CWC27: variants seen among roughly 807,000 people sequenced by gnomAD.
CWC27 encodes CWC27 spliceosome associated cyclophilin.
A neutral mutation model predicts 63.6 loss-of-function variants in CWC27; 47 were observed. The observed-to-expected ratio is 0.74, with a 90% CI of 0.58 to 0.94. The LOEUF (loss-of-function observed/expected upper bound fraction) is 0.94. CWC27 is among the 40% of genes least tolerant of loss of function. The pLI, the probability that CWC27 is intolerant of heterozygous loss-of-function variation, is 0.00. For synonymous variants in CWC27, 175 were observed against 179.8 expected (o/e 0.97, Z 0.22); for missense variants, 495 against 554.3 (o/e 0.89, Z 1.07).
chr5:65,017,918 A>C (rs889333021), intron 13 of CWC27, among the ~76,000 whole-genome samples: 5 of 152,226 alleles, frequency 3.3e-5, no homozygotes, highest in Non-Finnish European at 7.3e-5. Context: ...TCAAGTGAAG[A>C]CTGAGGCAAA....
At chr5:64,791,593 G>A (rs1412238321) in intron 7 of CWC27, among the ~76,000 whole-genome samples, 3 of 151,940 alleles carry the variant, frequency 2.0e-5, no homozygotes, top group African/African-American at 7.3e-5. Context: ...CTAGTATTGT[G>A]TCATCATAGT....
chr5:64,916,885 T>TTAGTATTAGTAGTAGTAGTAGTAG (rs777253798), intron 11 of CWC27, among the ~76,000 whole-genome samples: 3 of 144,020 alleles, frequency 2.1e-5, no homozygotes, highest in African/African-American at 7.9e-5. Context: ...AGTAGTAGTA[T>TTAGTATTAGTAGTAGTAGTAGTAG]TAGTAGTAGT....
intron 1 of CWC27, among the ~76,000 whole-genome samples, chr5:64,769,506 CTT>C (rs2112130007): frequency 6.6e-6 from 1 of 152,152 alleles, no homozygotes; most frequent in Non-Finnish European, 1.5e-5. Context: ...ATATTCTTTG[CTT>C]AACTAAGGTC....
chr5:64,773,522 G>A (rs1450390528), intron 1 of CWC27, among the ~76,000 whole-genome samples: 4 of 122,294 alleles, frequency 3.3e-5, no homozygotes, highest in African/African-American at 6.3e-5. Flanking sequence ...ATGTGACTTA[G>A]CATTGATGAT....
chr5:64,828,346 C>T (rs963051961), intron 10 of CWC27, among the ~76,000 whole-genome samples: 1 of 152,078 alleles, frequency 6.6e-6, no homozygotes, highest in Non-Finnish European at 1.5e-5. Flanking sequence ...GTTGAAAGAA[C>T]CATATTAACT....
intron 13 of CWC27, among the ~76,000 whole-genome samples, chr5:65,008,041 T>C (rs1749883304): frequency 6.6e-6 from 1 of 152,236 alleles, no homozygotes; most frequent in South Asian, 2.1e-4. Context: ...GGTCACATAG[T>C]ATATTTGTAT....
At chr5:64,915,741 C>T (rs573852437) in intron 11 of CWC27, among the ~76,000 whole-genome samples, 1 of 152,246 alleles carries the variant, frequency 6.6e-6, no homozygotes, top group Non-Finnish European at 1.5e-5. Flanking sequence ...TTCATAAATG[C>T]TTACTATATG....
intron 11 of CWC27, among the ~76,000 whole-genome samples, chr5:64,921,432 T>C (rs548719298): frequency 3.9e-5 from 6 of 152,274 alleles, no homozygotes; most frequent in African/African-American, 1.4e-4. Context: ...GAGTGTTCTG[T>C]AGATCTCTAT....
Position 64,785,528 on chromosome 5 carries a change from C to T in CWC27, c.444C>T (p.Asp148=), listed in dbSNP as rs1330027566. 4 of 1,574,696 alleles carry T rather than the reference C, an allele frequency of 2.5e-6. No individual in the cohort carries two copies. The highest frequency in any genetic ancestry group is 3.4e-4 in the Middle Eastern group (2 of 5,884). ...VYNMLRLSEV[D]IDDDERPHNP... is the part of the protein sequence containing the mutation. ...ACATGTTGCGACTGTCAGAAGTAGA[C>T]ATTGATGATGACGAAAGACCACATA... Residue 148 remains aspartate (D), a synonymous_variant, in exon 5 of 14, where the codon GAC becomes GAT. Coordinates refer to ENST00000381070, the MANE Select transcript of CWC27 (RefSeq NM_005869.4).
At chr5:64,906,048 A>G (rs1747631106) in intron 11 of CWC27, among the ~76,000 whole-genome samples, 1 of 152,046 alleles carries the variant, frequency 6.6e-6, no homozygotes, top group Non-Finnish European at 1.5e-5. Context: ...CATGTTGTAT[A>G]TGTGCCACAT....
chr5:64,954,985 A>G (rs1043609771), intron 11 of CWC27, among the ~76,000 whole-genome samples: 2 of 152,064 alleles, frequency 1.3e-5, no homozygotes, highest in African/African-American at 2.4e-5. Context: ...ATAATTTTCT[A>G]TGTTTCTCTC....
At chr5:64,951,358 G>T (rs1748705952) in intron 11 of CWC27, among the ~76,000 whole-genome samples, 1 of 151,730 alleles carries the variant, frequency 6.6e-6, no homozygotes, top group Non-Finnish European at 1.5e-5. Context: ...CTTAAATCAG[G>T]TTGTCTTTTG....
intron 11 of CWC27, among the ~76,000 whole-genome samples, chr5:64,897,029 C>T (rs1747394216): frequency 6.6e-6 from 1 of 152,000 alleles, no homozygotes; most frequent in South Asian, 2.1e-4. Context: ...CTCGGAAACA[C>T]AGTGATAACT....
chr5:64,776,911 A>G (rs949007413), intron 2 of CWC27, among the ~76,000 whole-genome samples: 2 of 152,154 alleles, frequency 1.3e-5, no homozygotes, highest in Non-Finnish European at 1.5e-5. Flanking sequence ...AAACCAAAGG[A>G]TCTACATTAT....
intron 13 of CWC27, among the ~76,000 whole-genome samples, chr5:64,997,872 G>A (rs1338494840): frequency 6.6e-6 from 1 of 152,030 alleles, no homozygotes; most frequent in Non-Finnish European, 1.5e-5. Context: ...CTCTCTCTTA[G>A]CCAAGTTCTA....
chr5:64,792,851 G>T (rs1744129144), intron 7 of CWC27, among the ~76,000 whole-genome samples: 1 of 152,018 alleles, frequency 6.6e-6, no homozygotes, highest in South Asian at 2.1e-4. Context: ...TGATAACTTA[G>T]TCTCTCTGAG....
At chr5:64,985,672 T>C (rs962584873) in intron 13 of CWC27, among the ~76,000 whole-genome samples, 1 of 152,256 alleles carries the variant, frequency 6.6e-6, no homozygotes, top group African/African-American at 2.4e-5. Flanking sequence ...TTTTGTTGCT[T>C]TTTGTTTTAT....
rs115831223 is a variant in CWC27, at chr5:64,939,681, G to A, written c.1043-32022G>A. Among the ~76,000 whole-genome samples the A allele has an allele frequency of 4.3e-3, 657 of 152,358 alleles. 3 individuals are homozygous for A. Among genetic ancestry groups the A allele is most frequent in the African/African-American group, 0.014 (577 of 41,592 alleles). On this transcript the variant is annotated intron_variant, in intron 11 of 13. Coordinates refer to ENST00000381070, the MANE Select transcript of CWC27 (RefSeq NM_005869.4). ...TCGCTGCTCTCTTTAGAGCCAGCAG[G>A]CAGAAACATTTAAGTCTGCTGAAGC... is the stretch of plus-strand genomic sequence containing the variant.
At chr5:64,803,761 C>T (rs926910799) in intron 9 of CWC27, among the ~76,000 whole-genome samples, 1 of 152,010 alleles carries the variant, frequency 6.6e-6, no homozygotes, top group African/African-American at 2.4e-5. Context: ...GAGTTGGGGA[C>T]CCACTAGAGG....
Sources: allele counts gnomAD v4.1 joint callset (sites outside exome capture counted in the v4.1 genomes callset), GRCh38; gene constraint gnomAD v4.1.1; transcripts MANE v1.5; gene names NCBI Gene and HGNC (gene_info 2026-07-23, HGNC 2026-07-21).